KLHL10: variants seen among roughly 807,000 people sequenced by gnomAD.
The protein encoded by KLHL10 is kelch-like protein 10.
Under a neutral mutation model 46.6 loss-of-function variants are expected in KLHL10, and 11 were observed. The ratio of observed to expected loss-of-function variants is 0.24; its 90% CI spans 0.15 to 0.39. KLHL10 has a LOEUF of 0.39. Ranked by LOEUF, KLHL10 falls within the 10% of genes least tolerant of loss-of-function variation. The probability of loss-of-function intolerance (pLI) is 1.00; values close to 1 mark genes in which losing one functional copy is unlikely to be tolerated. For missense variants in KLHL10, 475 were observed against 789.8 expected (o/e 0.60, Z 4.78); for synonymous variants, 254 against 279.1 (o/e 0.91, Z 0.90).
At chr17:41,836,084 T>C, upstream of KLHL10, 1 of 1,356,506 alleles carries the variant, frequency 7.4e-7, no homozygotes, top group South Asian at 2.0e-5. Flanking sequence ...CTGGCCTGGG[T>C]GAAGCGGCGG....
rs1555620815 is a variant in KLHL10 at position 41,842,190 on chromosome 17, G to C, written c.562G>C (p.Asp188His). 6.2e-7 allele frequency: 1 copy of C among 1,614,184 alleles called. No homozygotes were observed. The highest frequency in any genetic ancestry group is 8.5e-7 in the Non-Finnish European group (1 of 1,180,044). ...FLELSVTELK[D>H]IIEKDELNVK... Reference sequence around the variant, plus strand: ...AGAGCTCTCGGTCACTGAACTTAAGGATATCATTGAGAAAGATGAGCTCAA... The same window carrying C: ...AGAGCTCTCGGTCACTGAACTTAAGCATATCATTGAGAAAGATGAGCTCAA... Residue 188 changes from aspartate (D) to histidine (H), a missense_variant, in exon 2 of 5, where the codon GAT becomes CAT. Transcript: ENST00000293303.
rs2048310579 is a variant in KLHL10, at chr17:41,848,263, G to A, written c.1783G>A (p.Asp595Asn). 2 of 1,613,470 alleles carry A rather than the reference G, an allele frequency of 1.2e-6. No homozygotes were observed. Among genetic ancestry groups the A allele is most frequent in the Non-Finnish European group, 1.7e-6 (2 of 1,179,918 alleles). ...CAACTTCCCAGGATTAGCACTGCGA[G>A]ATGAAGTAAAATATTCTGCTTCGAC... ...RDNFPGLALR[D>N]EVKYSASTST... The change falls in exon 5 of 5, where the codon GAT becomes AAT. Residue 595 changes from aspartate (D) to asparagine (N), a missense_variant. Coordinates refer to ENST00000293303, the MANE Select transcript of KLHL10 (RefSeq NM_152467.5).
At position 41,843,798 on chromosome 17, in the gene KLHL10, G is replaced by A. The variant is rs181226821; in HGVS notation, c.685-1328G>A. ...ATTTATTTTGAGAAGGAGTCTCACT[G>A]TTGCCCAGGCTGGAGTGCAGTGATG... On this transcript the variant is annotated intron_variant, in intron 2 of 4. Transcript: ENST00000293303. Among the ~76,000 whole-genome samples, 459 of 152,142 alleles carry A rather than the reference G, an allele frequency of 3.0e-3. 2 individuals carry two copies. Among genetic ancestry groups the A allele is most frequent in the Middle Eastern group, 0.017 (5 of 294 alleles).
At chr17:41,842,441 T>G (rs2048235882) in intron 2 of KLHL10, 129 bp downstream of exon 2, 1 of 1,175,906 alleles carries the variant, frequency 8.5e-7, no homozygotes, top group Non-Finnish European at 1.2e-6. Context: ...CTCTGGAATT[T>G]TGCAACTGTC....
intron 1 of KLHL10, among the ~76,000 whole-genome samples, chr17:41,840,643 C>CAAA (rs34129401): frequency 7.3e-6 from 1 of 137,454 alleles, no homozygotes; most frequent in African/African-American, 2.7e-5. Context: ...GACTCCATCT[C>CAAA]AAAAAAAAAA....
rs2048310932 is a variant in KLHL10, at chr17:41,848,303, T to G, written c.1823T>G (p.Val608Gly). Residue 608 changes from valine (V) to glycine (G), a missense_variant, in exon 5 of 5, where the codon GTA (valine) becomes GGA (glycine). Physicochemically the swap from Val to Gly is moderately radical, Grantham distance 109. Coordinates refer to ENST00000293303, the MANE Select transcript of KLHL10 (RefSeq NM_152467.5). ...TCTGCTTCGACAAGTACCCTACCTG[T>G]ATGAGCCTCTTCATTTAGCTAATAA... Reference protein sequence around the residue: ...KYSASTSTLPV With the variant: ...KYSASTSTLPG 1.2e-6 allele frequency: 2 copies of G among 1,608,272 alleles called. No homozygotes were observed. Among genetic ancestry groups the G allele is most frequent in the Admixed American group, 3.3e-5 (2 of 59,800 alleles).
intron 2 of KLHL10, 23 bp downstream of exon 2, chr17:41,842,335 T>C: frequency 3.7e-6 from 6 of 1,613,236 alleles, no homozygotes; most frequent in African/African-American, 1.3e-5. Context: ...TCTTGATTCA[T>C]TTATCACAGA....
Position 41,841,866 on chromosome 17 carries a change from T to A in KLHL10, c.238T>A (p.Tyr80Asn). The A allele has an allele frequency of 6.2e-7, 1 of 1,614,202 alleles. No individual in the cohort carries two copies. The highest frequency in any genetic ancestry group is 8.5e-7 in the Non-Finnish European group (1 of 1,180,030). ...SGWNNTEKKV[Y>N]NIPGISPDMM... ...CTGGAACAACACTGAAAAGAAGGTA[T>A]ACAACATCCCTGGCATTTCTCCCGA... Residue 80 changes from tyrosine to asparagine, a missense_variant, in exon 2 of 5, where the codon TAC becomes AAC. Physicochemically the swap from Tyr to Asn is moderately radical, Grantham distance 143. Transcript: ENST00000293303.
chr17:41,845,632 C>T lies in KLHL10; in HGVS notation c.1191C>T (p.Tyr397=), dbSNP rs543013276. 3.3e-5 allele frequency: 53 copies of T among 1,613,524 alleles called. No homozygotes were observed. Among genetic ancestry groups the T allele is most frequent in the South Asian group, 5.5e-5 (5 of 91,042 alleles). ...FIYAMGGFDG[Y]VRLNTAERYE... ...ATGCCATGGGAGGATTTGATGGCTA[C>T]GTGCGTCTAAACACTGCTGAACGTT... The change falls in exon 3 of 5, where the codon TAC becomes TAT. Residue 397 remains tyrosine (Y), a synonymous_variant. Coordinates refer to ENST00000293303, the MANE Select transcript of KLHL10 (RefSeq NM_152467.5).
intron 2 of KLHL10, among the ~76,000 whole-genome samples, chr17:41,842,598 T>C (rs570374632): frequency 1.8e-4 from 28 of 152,268 alleles, no homozygotes; most frequent in African/African-American, 6.5e-4. Flanking sequence ...GGAGAATCAC[T>C]TGAGCCCAGA....
intron 2 of KLHL10, among the ~76,000 whole-genome samples, chr17:41,844,773 T>C (rs1194818988): frequency 2.7e-5 from 4 of 150,550 alleles, no homozygotes; most frequent in African/African-American, 7.4e-5. Flanking sequence ...GGTCTAGAAC[T>C]CCTGACCTCC....
At chr17:41,847,554 G>A (rs948047450) in intron 4 of KLHL10, 144 bp downstream of exon 4, 28 of 949,122 alleles carry the variant, frequency 3.0e-5, no homozygotes, top group Non-Finnish European at 4.3e-5. Flanking sequence ...TGCCCAGGCT[G>A]TACTGCAGTG....
In KLHL10 at chr17:41,842,386, C is replaced by T; in HGVS notation, c.684+74C>T. On this transcript the variant is annotated intron_variant, in intron 2 of 4. Coordinates refer to ENST00000293303, the MANE Select transcript of KLHL10 (RefSeq NM_152467.5). ...GCAAAATTCAGACATATGACAGATC[C>T]CAAGGCTGTATTTACATGTCCTTAG... 3 of 1,575,492 alleles carry T rather than the reference C, an allele frequency of 1.9e-6. No homozygotes were observed. The South Asian group carries it at 3.3e-5, about 18-fold the overall frequency.
upstream of KLHL10, among the ~76,000 whole-genome samples, chr17:41,837,216 G>A (rs1211971635): frequency 6.6e-6 from 1 of 152,196 alleles, no homozygotes; most frequent in Non-Finnish European, 1.5e-5. Context: ...CCAGGCTGGA[G>A]TGCAGTGGAG....
intron 4 of KLHL10, 43 bp downstream of exon 4, chr17:41,847,453 C>T: frequency 6.2e-7 from 1 of 1,612,054 alleles, no homozygotes. Flanking sequence ...AACACATTAC[C>T]CCTAGATTTT....
Position 41,841,908 on chromosome 17 carries a change from A to G in KLHL10, c.280A>G (p.Ile94Val), listed in dbSNP as rs782759956. The G allele has an allele frequency of 6.2e-7, 1 of 1,614,244 alleles. No homozygotes were observed. The highest frequency in any genetic ancestry group is 1.7e-5 in the Admixed American group (1 of 60,024). Residue 94 changes from isoleucine to valine, a missense_variant, in exon 2 of 5, where the codon ATT (isoleucine) becomes GTT (valine). By Grantham distance (29) the Ile-to-Val change is conservative (BLOSUM62 3). Coordinates refer to ENST00000293303, the MANE Select transcript of KLHL10 (RefSeq NM_152467.5). ...TTCTCCCGACATGATGAAGCTAATC[A>G]TTGAGTATGCATACACCCGGACCGT... ...GISPDMMKLIIEYAYTRTVPI... is the reference protein window; with the variant it reads ...GISPDMMKLIVEYAYTRTVPI...
rs782757085 is a variant in KLHL10 at position 41,846,079 on chromosome 17, C to T, written c.1302+336C>T. 1.9e-4 allele frequency among the ~76,000 whole-genome samples: 29 copies of T among 151,696 alleles called. 1 individual carries two copies. The highest frequency in any genetic ancestry group is 7.4e-5 in the Non-Finnish European group (5 of 67,958). ...ACAAAAAATTAGCCAGGCCTGGTGGCGGGCGCCTGTAATCCCACCTACTCG... is the reference window on the plus strand; with the variant it reads ...ACAAAAAATTAGCCAGGCCTGGTGGTGGGCGCCTGTAATCCCACCTACTCG... On this transcript the variant is annotated intron_variant, in intron 3 of 4. Coordinates refer to ENST00000293303, the MANE Select transcript of KLHL10 (RefSeq NM_152467.5).
intron 1 of KLHL10, among the ~76,000 whole-genome samples, chr17:41,838,801 A>G (rs2048197467): frequency 6.8e-6 from 1 of 147,118 alleles, no homozygotes; most frequent in Non-Finnish European, 1.5e-5. Context: ...CCATTCTCCC[A>G]CCTCAGCCTC....
Position 41,837,940 on chromosome 17 carries a change from T to C in KLHL10, c.8T>C (p.Met3Thr), listed in dbSNP as rs782041240. 1.3e-5 allele frequency: 21 copies of C among 1,613,644 alleles called. 1 individual carries two copies. In the South Asian group the frequency reaches 2.3e-4, roughly 18 times the overall value. Residue 3 changes from methionine to threonine, a missense_variant, in exon 1 of 5, where the codon ATG becomes ACG. Physicochemically the swap from Met to Thr is moderately conservative, Grantham distance 81. Coordinates refer to ENST00000293303, the MANE Select transcript of KLHL10 (RefSeq NM_152467.5). ME[M>T]ESAAASTRFH... ...CCGCTGTCCCAGGGTGCCATGGAGA[T>C]GGAGAGCGCGGCGGCCTCCACACGT...
Sources: allele counts gnomAD v4.1 joint callset (sites outside exome capture counted in the v4.1 genomes callset), GRCh38; gene constraint gnomAD v4.1.1; transcripts MANE v1.5; gene names NCBI Gene and HGNC (gene_info 2026-07-23, HGNC 2026-07-21).